Variants in CCDC60 observed in about 807,000 individuals in gnomAD.
CCDC60 encodes coiled-coil domain containing 60.
CCDC60 carries 54 observed loss-of-function variants against 63.5 expected under a neutral mutation model. The observed-to-expected ratio is 0.85, with a 90% confidence interval of 0.68 to 1.07. CCDC60 has a LOEUF of 1.07. Among genes scored for constraint, CCDC60 ranks in the 50% least tolerant of loss-of-function variants. The probability of loss-of-function intolerance (pLI) is 0.00; values close to 1 mark genes in which losing one functional copy is unlikely to be tolerated. For missense variants in CCDC60, 651 were observed against 684.3 expected (o/e 0.95, Z 0.54); for synonymous variants, 206 against 238.8 (o/e 0.86, Z 1.27).
intron 5 of CCDC60, among the ~76,000 whole-genome samples, chr12:119,498,815 G>A (rs1197512599): frequency 3.3e-5 from 5 of 152,152 alleles, no homozygotes; most frequent in African/African-American, 9.7e-5. Context: ...TCGATCAATC[G>A]ATATGTAAAG....
At chr12:119,527,886 T>C (rs1221138453) in intron 11 of CCDC60, among the ~76,000 whole-genome samples, 1 of 151,668 alleles carries the variant, frequency 6.6e-6, no homozygotes, top group Non-Finnish European at 1.5e-5. Context: ...TTTCACCATG[T>C]TAGCCAGGAT....
intron 10 of CCDC60, 115 bp from the exon 11 acceptor site, chr12:119,523,578 C>G: frequency 6.9e-7 from 1 of 1,452,022 alleles, no homozygotes; most frequent in Non-Finnish European, 9.3e-7. Context: ...CAGGTGGCTA[C>G]AGGGAGTCCC....
At chr12:119,383,472 G>C (rs1956029113) in intron 1 of CCDC60, among the ~76,000 whole-genome samples, 1 of 152,168 alleles carries the variant, frequency 6.6e-6, no homozygotes, top group Non-Finnish European at 1.5e-5. Flanking sequence ...TTGGACTTTA[G>C]ACACTGAAAG....
chr12:119,404,388 A>G (rs1477521339), intron 1 of CCDC60, among the ~76,000 whole-genome samples: 1 of 152,012 alleles, frequency 6.6e-6, no homozygotes, highest in Non-Finnish European at 1.5e-5. Context: ...CACTCCCACC[A>G]CAGCTACATC....
At chr12:119,502,791 C>T (rs1385662091) in intron 6 of CCDC60, among the ~76,000 whole-genome samples, 1 of 152,120 alleles carries the variant, frequency 6.6e-6, no homozygotes. Flanking sequence ...TTCAAGGCCC[C>T]CCTGAGGTAC....
intron 1 of CCDC60, among the ~76,000 whole-genome samples, chr12:119,354,330 C>T (rs1955695013): frequency 6.6e-6 from 1 of 152,128 alleles, no homozygotes. Flanking sequence ...CTCCTTGTTT[C>T]GTTAATGTGC....
intron 1 of CCDC60, among the ~76,000 whole-genome samples, chr12:119,375,737 G>A (rs143567548): frequency 3.9e-4 from 59 of 152,318 alleles, no homozygotes; most frequent in African/African-American, 1.3e-3. Flanking sequence ...AAATAGAGCC[G>A]TGGAGGGAAG....
intron 1 of CCDC60, among the ~76,000 whole-genome samples, chr12:119,342,360 A>C (rs1324417038): frequency 1.3e-5 from 2 of 152,236 alleles, no homozygotes; most frequent in Non-Finnish European, 2.9e-5. Context: ...CTTTTCTAGC[A>C]GTAAGAATGG....
chr12:119,406,963 A>G (rs1714666371), intron 1 of CCDC60, among the ~76,000 whole-genome samples: 1 of 152,230 alleles, frequency 6.6e-6, no homozygotes, highest in Non-Finnish European at 1.5e-5. Flanking sequence ...TGTTCATAAC[A>G]CGCTGGCTGG....
At chr12:119,397,771 G>A (rs533653560) in intron 1 of CCDC60, among the ~76,000 whole-genome samples, 33 of 27,214 alleles carry the variant, frequency 1.2e-3, no homozygotes, top group Admixed American at 2.7e-3. Flanking sequence ...AGGGGGCAGC[G>A]CCCGTCAGGG....
intron 2 of CCDC60, among the ~76,000 whole-genome samples, chr12:119,443,743 C>T (rs1433086512): frequency 5.9e-5 from 9 of 152,172 alleles, no homozygotes; most frequent in African/African-American, 2.2e-4. Flanking sequence ...AATGTATTCA[C>T]AGGCAATAGA....
intron 2 of CCDC60, among the ~76,000 whole-genome samples, chr12:119,432,878 A>T (rs762987571): frequency 1.3e-5 from 2 of 152,268 alleles, no homozygotes; most frequent in Non-Finnish European, 2.9e-5. Flanking sequence ...AATAAATTCT[A>T]TTAAAGCACA....
intron 12 of CCDC60, 81 bp from the exon 13 acceptor site, chr12:119,530,793 A>C: frequency 1.6e-6 from 2 of 1,212,594 alleles, no homozygotes; most frequent in Non-Finnish European, 2.4e-6. Context: ...GAGAGCAGAA[A>C]GAGAAAGTGG....
chr12:119,482,469 A>C (rs1013318431), intron 4 of CCDC60, among the ~76,000 whole-genome samples: 4 of 152,176 alleles, frequency 2.6e-5, no homozygotes, highest in African/African-American at 9.7e-5. Context: ...GCAACCACTT[A>C]ACTTTGCTGT....
chr12:119,540,938 G>A lies in CCDC60; in HGVS notation c.*223G>A, dbSNP rs1472976496. ...TCCACACCCCAGACCCAACCTACCA[G>A]TCTCTGTTCTTCAATGATCCAGCCT... On this transcript the variant is annotated 3_prime_UTR_variant, in exon 14 of 14. Coordinates refer to ENST00000327554, the MANE Select transcript of CCDC60 (RefSeq NM_178499.5). 6.6e-6 allele frequency: 3 copies of A among 454,290 alleles called. No homozygotes were observed. Among genetic ancestry groups the A allele is most frequent in the Non-Finnish European group, 1.2e-5 (3 of 256,326 alleles). The allele number at this position is 454,290 out of a possible 1,614,324, so 28.1% of individuals were successfully genotyped here. A position where few individuals can be genotyped will look rare whatever the true frequency, so the allele number is the denominator to read the frequency against.
chr12:119,353,598 CTTTTTTTTTTTT>C (rs71072514), intron 1 of CCDC60, among the ~76,000 whole-genome samples: 3 of 68,204 alleles, frequency 4.4e-5, no homozygotes, highest in South Asian at 1.4e-3. Context: ...TCTTCTTCTT[CTTTTTTTTTTTT>C]TTTTTTTTTT....
chr12:119,430,384 A>C (rs1436116798), intron 2 of CCDC60, among the ~76,000 whole-genome samples: 1 of 152,018 alleles, frequency 6.6e-6, no homozygotes, highest in East Asian at 1.9e-4. Flanking sequence ...AGGTCACATG[A>C]GACTGGGTGT....
intron 10 of CCDC60, 43 bp from the exon 11 acceptor site, chr12:119,523,650 C>T (rs201477225): frequency 2.5e-6 from 4 of 1,610,306 alleles, no homozygotes; most frequent in Non-Finnish European, 3.4e-6. Flanking sequence ...TAGGGGACAT[C>T]CCTGGGCTCC....
rs61938077 is a variant in CCDC60 at position 119,420,672 on chromosome 12, A to G, written c.91-8011A>G. Among the ~76,000 whole-genome samples the G allele has an allele frequency of 0.062, 9,400 of 152,218 alleles. 322 individuals are homozygous for G. Among genetic ancestry groups the G allele is most frequent in the Non-Finnish European group, 0.081 (5,476 of 68,010 alleles). ...TATTTGATAGCACAACAGGTTGACTATAGTCAATAATAACTCACTTTTTAA... is the reference window on the plus strand; with the variant it reads ...TATTTGATAGCACAACAGGTTGACTGTAGTCAATAATAACTCACTTTTTAA... On this transcript the variant is annotated intron_variant, in intron 1 of 13. Transcript: ENST00000327554. This position sits in a 1 kb window ranked among gnomAD's most constrained non-coding sequence, Gnocchi z 4.1.
Sources: allele counts gnomAD v4.1 joint callset (sites outside exome capture counted in the v4.1 genomes callset), GRCh38; gene constraint gnomAD v4.1.1; non-coding constraint Gnocchi (gnomAD v3.1); transcripts MANE v1.5; gene names NCBI Gene and HGNC (gene_info 2026-07-23, HGNC 2026-07-21).